The following FAM171B variants were observed in gnomAD, a reference collection of about 807,000 sequenced individuals.
The protein encoded by FAM171B is protein FAM171B.
In FAM171B, 19 loss-of-function variants were observed where a neutral mutation model predicts 75.6. That is an observed-to-expected ratio of 0.25 (90% CI 0.18 to 0.37). The LOEUF (loss-of-function observed/expected upper bound fraction) is 0.37. FAM171B is among the 10% of genes least tolerant of loss of function. FAM171B has a pLI of 1.00. For synonymous variants in FAM171B, 367 were observed against 361.7 expected (o/e 1.01, Z -0.17); for missense variants, 848 against 982.4 (o/e 0.86, Z 1.83).
intron 1 of FAM171B, among the ~76,000 whole-genome samples, chr2:186,733,818 A>G (rs1227522516): frequency 2.0e-5 from 3 of 152,196 alleles, no homozygotes; most frequent in Admixed American, 2.0e-4. Context: ...GCACTGGGGA[A>G]CGCAGTGGCA....
intron 5 of FAM171B, among the ~76,000 whole-genome samples, chr2:186,753,251 C>T (rs1025646959): frequency 5.9e-5 from 9 of 152,058 alleles, no homozygotes; most frequent in Non-Finnish European, 7.4e-5. Flanking sequence ...CAGGCTCAAG[C>T]GATTCTCCTG....
chr2:186,745,378 G>A lies in FAM171B; in HGVS notation c.566-1714G>A, dbSNP rs539594340. Reference sequence around the variant, plus strand: ...TGGAATACATGAAATGGATCTGTGTGACCATGTCCCGTACCAATCCTTTGC... The same window carrying A: ...TGGAATACATGAAATGGATCTGTGTAACCATGTCCCGTACCAATCCTTTGC... On this transcript the variant is annotated intron_variant, in intron 3 of 7. Transcript: ENST00000304698. 8.5e-5 allele frequency among the ~76,000 whole-genome samples: 13 copies of A among 152,326 alleles called. No homozygotes were observed. The South Asian group carries it at 2.7e-3, about 32-fold the overall frequency.
intron 6 of FAM171B, among the ~76,000 whole-genome samples, chr2:186,759,477 C>T (rs1690583246): frequency 6.6e-6 from 1 of 152,038 alleles, no homozygotes; most frequent in African/African-American, 2.4e-5. Flanking sequence ...ATGAGGGTTC[C>T]CTTTTCTCTA....
intron 1 of FAM171B, among the ~76,000 whole-genome samples, chr2:186,712,661 T>C (rs1463563966): frequency 6.6e-6 from 1 of 152,212 alleles, no homozygotes; most frequent in Non-Finnish European, 1.5e-5. Context: ...TCTTTCCCTG[T>C]TCTGTACTTT....
intron 4 of FAM171B, 130 bp from the exon 5 acceptor site, chr2:186,751,004 C>T: frequency 5.0e-6 from 3 of 605,522 alleles, no homozygotes; most frequent in Non-Finnish European, 5.4e-6. Context: ...AATGTGTATT[C>T]AGTATCTATT....
At chr2:186,724,116 A>G (rs904674503) in intron 1 of FAM171B, among the ~76,000 whole-genome samples, 12 of 152,370 alleles carry the variant, frequency 7.9e-5, no homozygotes, top group African/African-American at 2.9e-4. Context: ...GTGGGTTAGC[A>G]CAGCAAGTTT....
intron 5 of FAM171B, among the ~76,000 whole-genome samples, chr2:186,751,610 T>C (rs550063416): frequency 6.6e-6 from 1 of 152,202 alleles, no homozygotes; most frequent in Non-Finnish European, 1.5e-5. Flanking sequence ...TTTGTTTTGA[T>C]AAGCTCATAA....
At position 186,761,519 on chromosome 2, in the gene FAM171B, A is replaced by G. The variant is rs766279476; in HGVS notation, c.1177A>G (p.Thr393Ala). 8 of 1,589,356 alleles carry G rather than the reference A, an allele frequency of 5.0e-6. No individual in the cohort carries two copies. Among genetic ancestry groups the G allele is most frequent in the Non-Finnish European group, 6.8e-6 (8 of 1,173,056 alleles). The change falls in exon 8 of 8, where the codon ACT becomes GCT. Residue 393 changes from threonine (T) to alanine (A), a missense_variant. This residue lies in a region of FAM171B where 665 missense variants were observed against 729.0 expected (regional missense o/e 0.91). Transcript: ENST00000304698. Reference sequence around the variant, plus strand: ...TCCACAGAAAAGAGAAAGAAATATCACTAAACTTGAGGTCCTCAAGAGAGA... The same window carrying G: ...TCCACAGAAAAGAGAAAGAAATATCGCTAAACTTGAGGTCCTCAAGAGAGA... ...GTPQKRERNI[T>A]KLEVLKRDQT...
At chr2:186,760,624 C>T (rs2595380) in intron 6 of FAM171B, among the ~76,000 whole-genome samples, 10,912 of 151,746 alleles carry the variant, frequency 0.072, 418 homozygotes, top group Non-Finnish European at 0.093. Flanking sequence ...TTTAAGCTTT[C>T]TATAGCAGCA....
At chr2:186,710,332 A>C (rs1266439723) in intron 1 of FAM171B, among the ~76,000 whole-genome samples, 1 of 152,176 alleles carries the variant, frequency 6.6e-6, no homozygotes. Context: ...TGCCACTTGC[A>C]CCACCATTCA....
intron 1 of FAM171B, among the ~76,000 whole-genome samples, chr2:186,698,360 T>C (rs1169005897): frequency 6.6e-6 from 1 of 152,146 alleles, no homozygotes; most frequent in Non-Finnish European, 1.5e-5. Flanking sequence ...TTTTTAAACT[T>C]TTTATTTCGC....
intron 1 of FAM171B, among the ~76,000 whole-genome samples, chr2:186,731,846 A>G (rs1205491027): frequency 1.3e-5 from 2 of 151,996 alleles, no homozygotes; most frequent in Non-Finnish European, 1.5e-5. Flanking sequence ...CATGAACCCT[A>G]TTTTGAACTG....
intron 7 of FAM171B, 85 bp from the exon 8 acceptor site, chr2:186,761,394 G>C (rs1690612991): frequency 6.8e-7 from 1 of 1,463,912 alleles, no homozygotes; most frequent in East Asian, 2.3e-5. Flanking sequence ...TTGCATGTAT[G>C]ATATGTAGAT....
At chr2:186,746,991 C>A in intron 3 of FAM171B, 101 bp from the exon 4 acceptor site, 1 of 813,428 alleles carries the variant, frequency 1.2e-6, no homozygotes, top group Non-Finnish European at 1.9e-6. Context: ...TGATGTTTAG[C>A]AATAATTATA....
At chr2:186,742,571 C>T (rs771515757) in intron 2 of FAM171B, among the ~76,000 whole-genome samples, 21 of 151,902 alleles carry the variant, frequency 1.4e-4, no homozygotes, top group Non-Finnish European at 2.2e-4. Flanking sequence ...TTTGAAATAT[C>T]TCAAAATAAT....
chr2:186,740,491 GT>G (rs781587459), intron 2 of FAM171B, 30 bp downstream of exon 2: 1 of 1,543,338 alleles, frequency 6.5e-7, no homozygotes, highest in Non-Finnish European at 8.9e-7. Context: ...TTTTTTGTTT[GT>G]TTTTGCTAAA....
intron 6 of FAM171B, among the ~76,000 whole-genome samples, chr2:186,760,758 C>T (rs1481208410): frequency 2.0e-5 from 3 of 151,812 alleles, no homozygotes; most frequent in Admixed American, 1.3e-4. Flanking sequence ...TTGTCTGCTG[C>T]GCTGTTGGAC....
chr2:186,753,160 T>A (rs934208022), intron 5 of FAM171B, among the ~76,000 whole-genome samples: 1 of 152,154 alleles, frequency 6.6e-6, no homozygotes, highest in Non-Finnish European at 1.5e-5. Context: ...TATTATTATT[T>A]TTTTTCAAGA....
chr2:186,762,787 G>T lies in FAM171B; in HGVS notation c.2445G>T (p.Lys815Asn), dbSNP rs1690639917. 2 of 1,612,818 alleles carry T rather than the reference G, an allele frequency of 1.2e-6. No homozygotes were observed. The highest frequency in any genetic ancestry group is 1.3e-5 in the African/African-American group (1 of 74,914). ...AKRDSKTNIW[K>N]KREERPLIPI... is the part of the protein sequence containing the mutation. ...GAGATAGCAAGACTAACATCTGGAA[G>T]AAGCGAGAGGAACGCCCACTGATTC... is the stretch of plus-strand genomic sequence containing the variant. Residue 815 changes from lysine to asparagine, a missense_variant, in exon 8 of 8, where the codon AAG becomes AAT. Coordinates refer to ENST00000304698, the MANE Select transcript of FAM171B (RefSeq NM_177454.4). The surrounding 1 kb of genome is among the most constrained non-coding windows in gnomAD (Gnocchi z 4.0).
Sources: gnomAD v4.1 joint callset for allele counts (sites outside exome capture counted in the v4.1 genomes callset) on GRCh38, gnomAD v4.1.1 for gene constraint, gnomAD v4.1.1 regional missense constraint, Gnocchi (gnomAD v3.1) non-coding constraint, MANE v1.5 for transcripts, NCBI Gene and HGNC (gene_info 2026-07-23, HGNC 2026-07-21) for gene names.